Variants in MAP3K15 observed in about 807,000 individuals in gnomAD.
The protein encoded by MAP3K15 is mitogen-activated protein kinase kinase kinase 15, also known as MAPK/ERK kinase kinase 15.
MAP3K15 carries 124 observed loss-of-function variants against 99.5 expected under a neutral mutation model. That is an observed-to-expected ratio of 1.25 (90% CI 1.08 to 1.45). The LOEUF (loss-of-function observed/expected upper bound fraction) is 1.45. Ranked by LOEUF, MAP3K15 falls within the 40% of genes most tolerant of loss-of-function variation. The probability of loss-of-function intolerance (pLI) is 0.00; values close to 1 mark genes in which losing one functional copy is unlikely to be tolerated. For synonymous variants in MAP3K15, 494 were observed against 439.6 expected (o/e 1.12, Z -1.55); for missense variants, 1,242 against 1,079.7 (o/e 1.15, Z -2.11).
At chrX:19,483,419 A>G (rs2064304491) in intron 3 of MAP3K15, among the ~76,000 whole-genome samples, 1 of 111,619 alleles carries the variant, frequency 9.0e-6, no homozygotes, top group Admixed American at 9.6e-5. Context: ...AATTTTAGAA[A>G]TATCAAATGA....
At chrX:19,438,018 G>A (rs985185984) in intron 6 of MAP3K15, among the ~76,000 whole-genome samples, 10 of 112,281 alleles carry the variant, frequency 8.9e-5, no homozygotes, top group African/African-American at 1.3e-4. Context: ...GAATATGGAC[G>A]GGACAAGAGA....
chrX:19,383,204 G>A (rs2063471797), intron 18 of MAP3K15, among the ~76,000 whole-genome samples: 1 of 111,680 alleles, frequency 9.0e-6, no homozygotes. Flanking sequence ...GATACCTCAG[G>A]GCCTCCCTTT....
chrX:19,465,830 GGTGTGTGTGTGTGTGTGTGTGTGTGT>G (rs10589040), intron 3 of MAP3K15, among the ~76,000 whole-genome samples: 1 of 94,006 alleles, frequency 1.1e-5, no homozygotes, highest in Non-Finnish European at 2.1e-5. Context: ...GGTGTGTAGG[GGTGTGTGTGTGTGTGTGTGTGTGTGT>G]GTGTGTGTGA....
chrX:19,483,914 T>C (rs761683411), intron 3 of MAP3K15, among the ~76,000 whole-genome samples: 1 of 111,744 alleles, frequency 8.9e-6, no homozygotes, highest in Admixed American at 9.5e-5. Context: ...CTACTAATGG[T>C]ACCCCTCAAG....
chrX:19,456,581 C>G (rs1473113081), intron 6 of MAP3K15, among the ~76,000 whole-genome samples: 2 of 112,064 alleles, frequency 1.8e-5, no homozygotes, highest in African/African-American at 6.5e-5. Flanking sequence ...AAACACAAAT[C>G]ATATACTTAA....
At chrX:19,371,233 T>C in intron 23 of MAP3K15, 112 bp downstream of exon 23, 1 of 906,080 alleles carries the variant, frequency 1.1e-6, no homozygotes, top group Non-Finnish European at 1.5e-6. Context: ...GAGGAGCTGC[T>C]GAAGCTTGGG....
In MAP3K15 at chrX:19,374,462, C is replaced by T. The variant is rs1362352054; in HGVS notation, c.2773+15G>A. On this transcript the variant is annotated intron_variant, in intron 20 of 28. Transcript: ENST00000338883. ...GTGGCCAGGGTGCTGCCCCAGCTGT[C>T]CAGGGAGGCCTCACCTGAGGGCTTG... The T allele has an allele frequency of 1.7e-6, 2 of 1,205,606 alleles. No homozygotes were observed. Among genetic ancestry groups the T allele is most frequent in the East Asian group, 3.0e-5 (1 of 33,766 alleles).
chrX:19,471,132 A>G (rs1183492526), intron 3 of MAP3K15, among the ~76,000 whole-genome samples: 1 of 111,988 alleles, frequency 8.9e-6, no homozygotes, highest in African/African-American at 3.2e-5. Context: ...AGAAAAAATG[A>G]ACAAAGTCTT....
intron 7 of MAP3K15, 70 bp from the exon 8 acceptor site, chrX:19,426,413 A>C (rs1247548617): frequency 4.8e-6 from 3 of 629,086 alleles, no homozygotes; most frequent in East Asian, 8.7e-5. Context: ...GTATAAACCA[A>C]CTTTCTCATG....
intron 1 of MAP3K15, among the ~76,000 whole-genome samples, chrX:19,505,534 C>T (rs1025593810): frequency 9.0e-6 from 1 of 110,844 alleles, no homozygotes; most frequent in Non-Finnish European, 1.9e-5. Context: ...CCACCATCAT[C>T]GTCTATATGG....
intron 3 of MAP3K15, among the ~76,000 whole-genome samples, chrX:19,470,468 G>T (rs2064200465): frequency 9.2e-6 from 1 of 109,174 alleles, no homozygotes; most frequent in Admixed American, 9.8e-5. Flanking sequence ...GAGTTAATAG[G>T]TGCAGCACAC....
At chrX:19,486,363 C>G in intron 3 of MAP3K15, 119 bp downstream of exon 3, 4 of 294,326 alleles carry the variant, frequency 1.4e-5, no homozygotes, top group Non-Finnish European at 1.2e-5. Flanking sequence ...CTTAGAAACA[C>G]AACCCACAGG....
At chrX:19,409,654 C>T (rs73637638) in intron 12 of MAP3K15, among the ~76,000 whole-genome samples, 5,643 of 111,199 alleles carry the variant, frequency 0.051, 196 homozygotes, top group Middle Eastern at 0.12. Flanking sequence ...CTCTTCCTAC[C>T]GATCACTTCT....
In MAP3K15 at chrX:19,401,482, G is replaced by A. The variant is rs975178882; in HGVS notation, c.1845-819C>T. Among the ~76,000 whole-genome samples, 29 of 111,627 alleles carry A rather than the reference G, an allele frequency of 2.6e-4. No individual in the cohort carries two copies. In the South Asian group the frequency reaches 6.0e-3, roughly 23 times the overall value. On this transcript the variant is annotated intron_variant, in intron 13 of 28. Transcript: ENST00000338883. ...AAAGTGTTGGGAGGCATGAGCCCCC[G>A]CACCCAGCCTCTTGTATTATTCTTG...
chrX:19,360,395 C>T lies in MAP3K15; in HGVS notation c.*354G>A, dbSNP rs1181960425. On this transcript the variant is annotated 3_prime_UTR_variant, in exon 29 of 29. Coordinates refer to ENST00000338883, the MANE Select transcript of MAP3K15 (RefSeq NM_001001671.4). ...TGAGACAGGGTCGGGCTCTGTTGCC[C>T]AGGCTGGAGTGCAGTGGTGTGATCA... 2 of 167,272 alleles carry T rather than the reference C, an allele frequency of 1.2e-5. No homozygotes were observed. Among genetic ancestry groups the T allele is most frequent in the South Asian group, 1.1e-4 (1 of 8,903 alleles). The allele number at this position is 167,272 out of a possible 1,213,427, so 13.8% of individuals were successfully genotyped here. A position where few individuals can be genotyped will look rare whatever the true frequency, so the allele number is the denominator to read the frequency against.
intron 1 of MAP3K15, among the ~76,000 whole-genome samples, chrX:19,508,071 T>A (rs757117622): frequency 4.3e-4 from 48 of 110,918 alleles, no homozygotes; most frequent in Non-Finnish European, 7.6e-4. Flanking sequence ...TTTCACCATG[T>A]GGGCCAGGCT....
chrX:19,496,827 T>C (rs1380602170), intron 1 of MAP3K15: 1 of 111,896 alleles, frequency 8.9e-6, no homozygotes, highest in Non-Finnish European at 1.9e-5. Context: ...GACTTCTGCC[T>C]GGCTGCTGAT....
At chrX:19,428,932 G>A (rs2063856034) in intron 7 of MAP3K15, among the ~76,000 whole-genome samples, 1 of 110,803 alleles carries the variant, frequency 9.0e-6, no homozygotes, top group Non-Finnish European at 1.9e-5. Context: ...TCACACCACT[G>A]CACTCCAGCC....
intron 6 of MAP3K15, among the ~76,000 whole-genome samples, chrX:19,437,336 T>C (rs1025176112): frequency 1.8e-5 from 2 of 111,763 alleles, no homozygotes; most frequent in African/African-American, 3.3e-5. Flanking sequence ...GCTCCCATCT[T>C]AGAGCAAACA....
Sources: allele counts gnomAD v4.1 joint callset (sites outside exome capture counted in the v4.1 genomes callset), GRCh38; gene constraint gnomAD v4.1.1; transcripts MANE v1.5; gene names NCBI Gene and HGNC (gene_info 2026-07-23, HGNC 2026-07-21).